MYH8: variants seen among roughly 807,000 people sequenced by gnomAD.
MYH8 encodes the protein myosin-8.
Under a neutral mutation model 233.2 loss-of-function variants are expected in MYH8, and 168 were observed. That is an observed-to-expected ratio of 0.72 (90% CI 0.64 to 0.82). MYH8 has a LOEUF of 0.82. MYH8 is among the 40% of genes least tolerant of loss of function. The pLI is 0.00. For missense variants in MYH8, 1,995 were observed against 2,327.8 expected (o/e 0.86, Z 2.94); for synonymous variants, 785 against 850.6 (o/e 0.92, Z 1.34).
chr17:10,399,584 T>C lies in MYH8; in HGVS notation c.3821A>G (p.Asn1274Ser), dbSNP rs372019710. The change falls in exon 28 of 40, where the codon AAT (asparagine) becomes AGT (serine). Residue 1274 changes from asparagine (N) to serine (S), a missense_variant. Physicochemically the swap from Asn to Ser is conservative, Grantham distance 46 (BLOSUM62 1). Around this residue, in one of 3 missense-constraint regions of MYH8, gnomAD observed 1,498 missense variants for 1,680.9 expected, o/e 0.89. Coordinates refer to ENST00000403437, the MANE Select transcript of MYH8 (RefSeq NM_002472.3). ...TKEEEQQRLI[N>S]DLTAQRARLQ... is the part of the protein sequence containing the mutation. ...GCGCGCTCTCTGTGCTGTGAGGTCA[T>C]TGATCAGCCGCTGCTGCTCCTCTTC... 1.3e-5 allele frequency: 21 copies of C among 1,613,928 alleles called. No homozygotes were observed. In the African/African-American group the frequency reaches 2.4e-4, roughly 18 times the overall value.
At position 10,417,612 on chromosome 17, in the gene MYH8, C is replaced by CG. The variant is rs925561636; in HGVS notation, c.511+1032dup. ...TGGAGCAGCCCCAAACCCTGGGGAG[C>CG]GGGGGGCTTGCTGAGTGGGAGGACA... On this transcript the variant is annotated intron_variant, in intron 5 of 39. Transcript: ENST00000403437. The surrounding 1 kb of genome is among the most constrained non-coding windows in gnomAD (Gnocchi z 4.1). Among the ~76,000 whole-genome samples the CG allele has an allele frequency of 5.9e-5, 9 of 152,014 alleles. No individual in the cohort carries two copies. The highest frequency in any genetic ancestry group is 3.9e-4 in the Admixed American group (6 of 15,262).
chr17:10,396,198 T>A lies in MYH8; in HGVS notation c.4653+132A>T. ...TGATAGGTCAGAGTATTTACATTTT[T>A]AAGGATTTTGATAACTATTGCCAAG... On this transcript the variant is annotated intron_variant, in intron 33 of 39. Coordinates refer to ENST00000403437, the MANE Select transcript of MYH8 (RefSeq NM_002472.3). The surrounding 1 kb of genome is among the most constrained non-coding windows in gnomAD (Gnocchi z 4.2). 1 of 1,066,970 alleles carries A rather than the reference T, an allele frequency of 9.4e-7. No individual in the cohort carries two copies. The highest frequency in any genetic ancestry group is 1.4e-6 in the Non-Finnish European group (1 of 731,430). 66.1% of individuals were successfully genotyped at this position (1,066,970 alleles called of 1,614,324 possible).
At position 10,420,091 on chromosome 17, in the gene MYH8, T is replaced by C. The variant is rs200490645; in HGVS notation, c.137A>G (p.Lys46Arg). ...TATAGTGCTCTTCACATAGGATTCC[T>C]TGGGCTCCGCCACAAAGACAGATGT... is the stretch of plus-strand genomic sequence containing the variant. ...AKTSVFVAEP[K>R]ESYVKSTIQS... The change falls in exon 3 of 40, where the codon AAG becomes AGG. Residue 46 changes from lysine (K) to arginine (R), a missense_variant. Transcript: ENST00000403437. 7 of 1,614,270 alleles carry C rather than the reference T, an allele frequency of 4.3e-6. No homozygotes were observed. The South Asian group carries it at 5.5e-5, about 13-fold the overall frequency.
chr17:10,407,431 T>C (rs1457219564), intron 17 of MYH8, among the ~76,000 whole-genome samples: 1 of 152,212 alleles, frequency 6.6e-6, no homozygotes, highest in South Asian at 2.1e-4. Flanking sequence ...ACAGTAGCAG[T>C]TTACAGTGGT....
rs2142192211 is a variant in MYH8 at position 10,418,783 on chromosome 17, A to C, written c.373T>G (p.Cys125Gly). ...CACTTGTAGGGGTTGACGGTGACACAGAAGAGGCCTGAGTAGGTCTGGGAA... is the reference window on the plus strand; with the variant it reads ...CACTTGTAGGGGTTGACGGTGACACCGAAGAGGCCTGAGTAGGTCTGGGAA... ...WMIYTYSGLF[C>G]VTVNPYKWLP... The change falls in exon 5 of 40, where the codon TGT becomes GGT. Residue 125 changes from cysteine to glycine, a missense_variant. Cys to Gly is a radical substitution (Grantham distance 159, BLOSUM62 -3). Coordinates refer to ENST00000403437, the MANE Select transcript of MYH8 (RefSeq NM_002472.3). 1 of 1,613,860 alleles carries C rather than the reference A, an allele frequency of 6.2e-7. No homozygotes were observed. The highest frequency in any genetic ancestry group is 8.5e-7 in the Non-Finnish European group (1 of 1,179,776).
Position 10,404,389 on chromosome 17 carries a change from C to G in MYH8, c.2629G>C (p.Glu877Gln). ...AKSEAKRKEL[E>Q]EKMVTLLKEK... is the part of the protein sequence containing the mutation. Reference sequence around the variant, plus strand: ...TTTAAGAGAGTGACCATTTTTTCCTCTAGCTCCTTCCGTTTTGCCTCTGAC... The same window carrying G: ...TTTAAGAGAGTGACCATTTTTTCCTGTAGCTCCTTCCGTTTTGCCTCTGAC... Residue 877 changes from glutamate (E) to glutamine (Q), a missense_variant, in exon 22 of 40, where the codon GAG becomes CAG. Physicochemically the swap from Glu to Gln is conservative, Grantham distance 29. Transcript: ENST00000403437. The G allele has an allele frequency of 6.2e-7, 1 of 1,613,838 alleles. No individual in the cohort carries two copies.
Position 10,395,379 on chromosome 17 carries a change from C to T in MYH8, c.4716G>A (p.Lys1572=), listed in dbSNP as rs1210346979. ...CTGCGATTTTTCTATCAACTTCAGA[C>T]TTGACTTGGTTTAACTCAAGCTGGA... ...LRIQLELNQV[K]SEVDRKIAEK... The change falls in exon 34 of 40, where the codon AAG becomes AAA. Residue 1572 remains lysine (K), a synonymous_variant. Coordinates refer to ENST00000403437, the MANE Select transcript of MYH8 (RefSeq NM_002472.3). 1 of 1,614,152 alleles carries T rather than the reference C, an allele frequency of 6.2e-7. No homozygotes were observed. The highest frequency in any genetic ancestry group is 8.5e-7 in the Non-Finnish European group (1 of 1,180,006).
rs143129869 is a variant in MYH8, at chr17:10,421,697, G to T, written c.-65C>A. 1.3e-5 allele frequency: 2 copies of T among 152,174 alleles called. No individual in the cohort carries two copies. The highest frequency in any genetic ancestry group is 2.9e-5 in the Non-Finnish European group (2 of 68,028). The allele number at this position is 152,174 out of a possible 1,614,324, so 9.4% of individuals were successfully genotyped here. ...TCCAGATAAAAATGCAGGTTCAGAA[G>T]TGTTCCACTCTGTAAAACAACAAGC... On this transcript the variant is annotated 5_prime_UTR_variant, in exon 2 of 40. Coordinates refer to ENST00000403437, the MANE Select transcript of MYH8 (RefSeq NM_002472.3).
chr17:10,391,870 A>G lies in MYH8; in HGVS notation c.5664+12T>C. 6.2e-7 allele frequency: 1 copy of G among 1,606,816 alleles called. No individual in the cohort carries two copies. The highest frequency in any genetic ancestry group is 1.1e-5 in the South Asian group (1 of 90,906). On this transcript the variant is annotated intron_variant, in intron 39 of 39. Coordinates refer to ENST00000403437, the MANE Select transcript of MYH8 (RefSeq NM_002472.3). The stretch of plus-strand genomic sequence containing the variant: ...AATTTCCTTCTTTCCTCAAGGGCTT[A>G]AAGATACTTACAGCCTCCTCAGCTT...
chr17:10,394,332 G>C lies in MYH8; in HGVS notation c.5083C>G (p.Leu1695Val), dbSNP rs1460268562. The C allele has an allele frequency of 1.5e-5, 24 of 1,613,998 alleles. No individual in the cohort carries two copies. Among genetic ancestry groups the C allele is most frequent in the Non-Finnish European group, 2.0e-5 (24 of 1,180,040 alleles). Residue 1695 changes from leucine (L) to valine (V), a missense_variant, in exon 35 of 40, where the codon CTG (leucine) becomes GTG (valine). Transcript: ENST00000403437. Reference sequence around the variant, plus strand: ...TTCCTGCTTCTCTCTGTCTGTTCCAGAGTGGCCCACAGCTCCTCGATCTCA... The same window carrying C: ...TTCCTGCTTCTCTCTGTCTGTTCCACAGTGGCCCACAGCTCCTCGATCTCA... Reference protein sequence around the residue: ...QAEIEELWATLEQTERSRKIA... With the variant: ...QAEIEELWATVEQTERSRKIA...
At chr17:10,410,646 T>C in intron 15 of MYH8, 131 bp downstream of exon 15, 1 of 1,434,970 alleles carries the variant, frequency 7.0e-7, no homozygotes, top group Non-Finnish European at 9.8e-7. Flanking sequence ...GAGGAAGTAA[T>C]TTCTAAATAG....
At chr17:10,394,943 A>G (rs1234220702) in intron 34 of MYH8, among the ~76,000 whole-genome samples, 190 bp downstream of exon 34, 1 of 152,224 alleles carries the variant, frequency 6.6e-6, no homozygotes, top group Admixed American at 6.5e-5. Context: ...ATGCCTAGGC[A>G]TCTGTTTGTT....
chr17:10,409,190 TAAG>T, intron 16 of MYH8, 26 bp from the exon 17 acceptor site: 1 of 1,614,076 alleles, frequency 6.2e-7, no homozygotes, highest in Non-Finnish European at 8.5e-7. Context: ...AACCCGTGAA[TAAG>T]AATAGAATAC....
chr17:10,406,908 A>G lies in MYH8; in HGVS notation c.2037T>C (p.Asn679=), dbSNP rs760915081. ...HPHFVRCIIP[N]ETKTPGAMEH... ...GTGTCTTACCAGGAGTTTTGGTTTCATTGGGAATGATACACCGTACGAAGT... is the reference window on the plus strand; with the variant it reads ...GTGTCTTACCAGGAGTTTTGGTTTCGTTGGGAATGATACACCGTACGAAGT... The change falls in exon 18 of 40, where the codon AAT becomes AAC. Residue 679 remains asparagine, a synonymous_variant. Coordinates refer to ENST00000403437, the MANE Select transcript of MYH8 (RefSeq NM_002472.3). 3 of 1,614,096 alleles carry G rather than the reference A, an allele frequency of 1.9e-6. No individual in the cohort carries two copies. Among genetic ancestry groups the G allele is most frequent in the Admixed American group, 1.7e-5 (1 of 60,032 alleles).
rs1398649581 is a variant in MYH8, at chr17:10,392,947, C to T, written c.5347G>A (p.Glu1783Lys). The T allele has an allele frequency of 6.8e-6, 11 of 1,614,120 alleles. No individual in the cohort carries two copies. The highest frequency in any genetic ancestry group is 2.2e-5 in the East Asian group (1 of 44,900). The change falls in exon 37 of 40, where the codon GAG becomes AAG. Residue 1783 changes from glutamate (E) to lysine (K), a missense_variant. Physicochemically the swap from Glu to Lys is moderately conservative, Grantham distance 56. This residue lies in a region of MYH8 where 1,498 missense variants were observed against 1,680.9 expected (regional missense o/e 0.89). Coordinates refer to ENST00000403437, the MANE Select transcript of MYH8 (RefSeq NM_002472.3). ...TGCTCCAGGTTCTTCTTCATCCGCT[C>T]CAGGTGGGCGCTGGTGTCCTGTTCC... ...KKEQDTSAHL[E>K]RMKKNLEQTV...
Position 10,396,253 on chromosome 17 carries a change from A to C in MYH8, c.4653+77T>G. On this transcript the variant is annotated intron_variant, in intron 33 of 39. Transcript: ENST00000403437. This position sits in a 1 kb window ranked among gnomAD's most constrained non-coding sequence, Gnocchi z 4.2. ...CCTTCATAAAGATCCTGTGAGTTTA[A>C]ATTATCACTAGCCCCACTTTTTTTT... 1 of 1,558,692 alleles carries C rather than the reference A, an allele frequency of 6.4e-7. No individual in the cohort carries two copies. The highest frequency in any genetic ancestry group is 8.8e-7 in the Non-Finnish European group (1 of 1,142,296).
chr17:10,394,197 C>T (rs1247290106), intron 35 of MYH8, 52 bp downstream of exon 35: 14 of 1,608,582 alleles, frequency 8.7e-6, no homozygotes, highest in South Asian at 6.6e-5. Flanking sequence ...TGTTATAATT[C>T]GAATGCATCA....
At chr17:10,411,043 T>A in intron 14 of MYH8, 96 bp from the exon 15 acceptor site, 1 of 1,590,992 alleles carries the variant, frequency 6.3e-7, no homozygotes, top group Non-Finnish European at 8.6e-7. Context: ...ATGTGGAATG[T>A]AGTAATGAGA....
Position 10,415,079 on chromosome 17 carries a change from T to C in MYH8, c.805+37A>G, listed in dbSNP as rs761459073. ...ATATCCCTGCAAATGAAATCACTTG[T>C]CTCTCTGTTTTGATTTTCAATGGTC... On this transcript the variant is annotated intron_variant, in intron 9 of 39. Transcript: ENST00000403437. This position sits in a 1 kb window ranked among gnomAD's most constrained non-coding sequence, Gnocchi z 4.1. 1.9e-6 allele frequency: 3 copies of C among 1,586,624 alleles called. No homozygotes were observed. In the South Asian group the frequency reaches 3.3e-5, roughly 18 times the overall value.
Sources: allele counts gnomAD v4.1 joint callset (sites outside exome capture counted in the v4.1 genomes callset), GRCh38; gene constraint gnomAD v4.1.1; regional missense constraint gnomAD v4.1.1; non-coding constraint Gnocchi (gnomAD v3.1); transcripts MANE v1.5; gene names NCBI Gene and HGNC (gene_info 2026-07-23, HGNC 2026-07-21).